Variants in PRKACB observed in about 807,000 individuals in gnomAD.
PRKACB encodes cAMP-dependent protein kinase catalytic subunit beta.
In PRKACB, 16 loss-of-function variants were observed where a neutral mutation model predicts 51.4. That is an observed-to-expected ratio of 0.31 (90% confidence interval 0.21 to 0.47). The LOEUF (loss-of-function observed/expected upper bound fraction) is 0.47, where lower values mean the gene tolerates loss of function less well. Ranked by LOEUF, PRKACB falls within the 20% of genes least tolerant of loss-of-function variation. The pLI is 1.00. For missense variants in PRKACB, 309 were observed against 464.5 expected (o/e 0.67, Z 3.08); for synonymous variants, 147 against 154.4 (o/e 0.95, Z 0.35).
rs1653760081 is a variant in PRKACB, at chr1:84,144,458, C to T, written c.97C>T (p.His33Tyr). 4 of 1,613,296 alleles carry T rather than the reference C, an allele frequency of 2.5e-6. No individual in the cohort carries two copies. In the African/African-American group the frequency reaches 4.0e-5, roughly 16 times the overall value. Residue 33 changes from histidine to tyrosine, a missense_variant, in exon 1 of 10, where the codon CAC (histidine) becomes TAC (tyrosine). Transcript: ENST00000370685. ...TTTTGCTAGCCGGTTATTTCATAGA[C>T]ACTCTAAAGGTACTGCACATGATCA... ...EGFASRLFHR[H>Y]SKGTAHDQKT...
chr1:84,168,407 G>T (rs1187985772), intron 1 of PRKACB, among the ~76,000 whole-genome samples: 1 of 151,550 alleles, frequency 6.6e-6, no homozygotes, highest in African/African-American at 2.4e-5. Context: ...GCTTTTTGAT[G>T]TAACTAGCAT....
At chr1:84,164,279 C>A in intron 1 of PRKACB, 2 of 1,484,386 alleles carry the variant, frequency 1.3e-6, no homozygotes, top group South Asian at 1.3e-5. Flanking sequence ...CAATAAGATT[C>A]ATCGCCAATA....
intron 5 of PRKACB, among the ~76,000 whole-genome samples, chr1:84,193,345 CAGCTTT>C (rs1667338277): frequency 1.3e-5 from 2 of 152,104 alleles, no homozygotes; most frequent in African/African-American, 4.8e-5. Context: ...TGAAGTATGT[CAGCTTT>C]AGGATCCCAC....
chr1:84,080,757 T>G (rs1647467872), intron 1 of PRKACB, among the ~76,000 whole-genome samples: 2 of 151,058 alleles, frequency 1.3e-5, no homozygotes, highest in Non-Finnish European at 2.9e-5. Flanking sequence ...GAGATCAGCC[T>G]GTACAATCAT....
intron 9 of PRKACB, among the ~76,000 whole-genome samples, chr1:84,226,242 G>T (rs1674571216): frequency 7.0e-6 from 1 of 143,722 alleles, no homozygotes. Context: ...TTCCTTTTTT[G>T]ATTAGACTTG....
chr1:84,115,138 T>C (rs1650530868), intron 1 of PRKACB, among the ~76,000 whole-genome samples: 1 of 152,144 alleles, frequency 6.6e-6, no homozygotes, highest in African/African-American at 2.4e-5. Context: ...GCAGTACTAA[T>C]TTACATTCTT....
At chr1:84,230,594 T>C (rs867364395) in intron 9 of PRKACB, among the ~76,000 whole-genome samples, 194 of 151,896 alleles carry the variant, frequency 1.3e-3, no homozygotes, top group African/African-American at 4.2e-3. Flanking sequence ...TGTTTGTATC[T>C]TCTTTTATTT....
At chr1:84,115,987 G>A (rs573162601) in intron 1 of PRKACB, among the ~76,000 whole-genome samples, 13 of 149,176 alleles carry the variant, frequency 8.7e-5, no homozygotes, top group African/African-American at 3.2e-4. Context: ...TATAATTTGT[G>A]GTCTTACATA....
chr1:84,199,915 G>A (rs1460069466), intron 7 of PRKACB, among the ~76,000 whole-genome samples: 2 of 151,862 alleles, frequency 1.3e-5, no homozygotes, highest in African/African-American at 2.4e-5. Flanking sequence ...GCGTGATCTC[G>A]GTTCACTACA....
chr1:84,180,176 A>C (rs1353474348), intron 2 of PRKACB, among the ~76,000 whole-genome samples: 1 of 123,262 alleles, frequency 8.1e-6, no homozygotes, highest in African/African-American at 2.9e-5. Context: ...ATGGATAAAG[A>C]AACTGTGATA....
At chr1:84,179,366 T>G in intron 2 of PRKACB, 128 bp downstream of exon 2, 2 of 1,142,212 alleles carry the variant, frequency 1.8e-6, no homozygotes, top group Non-Finnish European at 2.3e-6. Flanking sequence ...AAGCTTAAAA[T>G]GGGAATTTTG....
intron 1 of PRKACB, among the ~76,000 whole-genome samples, chr1:84,128,497 G>T (rs1651852794): frequency 6.6e-6 from 1 of 152,096 alleles, no homozygotes; most frequent in Non-Finnish European, 1.5e-5. Context: ...CAGTTTGGTT[G>T]TTTGCATGCT....
chr1:84,126,222 C>A (rs1367725190), intron 1 of PRKACB, among the ~76,000 whole-genome samples: 2 of 152,142 alleles, frequency 1.3e-5, no homozygotes, highest in Admixed American at 6.5e-5. Context: ...GCCTTTTGCA[C>A]CCGCCCTCTT....
At chr1:84,181,819 C>A in intron 2 of PRKACB, 1 of 865,372 alleles carries the variant, frequency 1.2e-6, no homozygotes, top group Non-Finnish European at 1.6e-6. Context: ...TTCTATGACT[C>A]TTTGTCAGTA....
At position 84,235,256 on chromosome 1, in the gene PRKACB, T is replaced by A. The variant is rs1271616254; in HGVS notation, c.1148T>A (p.Ile383Asn). The A allele has an allele frequency of 6.2e-7, 1 of 1,614,088 alleles. No individual in the cohort carries two copies. The highest frequency in any genetic ancestry group is 1.1e-5 in the South Asian group (1 of 91,078). ...TTTGATGACTATGAAGAAGAAGATA[T>A]CCGTGTCTCTATAACAGAAAAATGT... ...SNFDDYEEED[I>N]RVSITEKCAK... The change falls in exon 10 of 10, where the codon ATC becomes AAC. Residue 383 changes from isoleucine (I) to asparagine (N), a missense_variant. Around this residue, in one of 3 missense-constraint regions of PRKACB, gnomAD observed 96 missense variants for 129.9 expected, o/e 0.74. Transcript: ENST00000370685.
At chr1:84,098,576 A>G (rs112529031) in intron 1 of PRKACB, among the ~76,000 whole-genome samples, 14 of 152,272 alleles carry the variant, frequency 9.2e-5, no homozygotes, top group African/African-American at 2.9e-4. Flanking sequence ...TATAAAAGTC[A>G]TCTAGAAGAG....
At chr1:84,216,655 A>C (rs1672928651) in intron 9 of PRKACB, among the ~76,000 whole-genome samples, 1 of 152,158 alleles carries the variant, frequency 6.6e-6, no homozygotes, top group South Asian at 2.1e-4. Context: ...AATAAAAGCA[A>C]CTCCCTATAA....
intron 8 of PRKACB, among the ~76,000 whole-genome samples, chr1:84,212,988 T>A (rs796428120): frequency 1.3e-5 from 2 of 152,192 alleles, no homozygotes; most frequent in African/African-American, 4.8e-5. Context: ...AATGTAATGA[T>A]GCACTATGTA....
chr1:84,152,107 C>T (rs2684916), intron 1 of PRKACB, among the ~76,000 whole-genome samples: 29,096 of 152,114 alleles, frequency 0.19, 3,063 homozygotes, highest in South Asian at 0.28. Flanking sequence ...ATGAAAACAA[C>T]GTTCATCTCC....
Sources: allele counts gnomAD v4.1 joint callset (sites outside exome capture counted in the v4.1 genomes callset), GRCh38; gene constraint gnomAD v4.1.1; regional missense constraint gnomAD v4.1.1; transcripts MANE v1.5; gene names NCBI Gene and HGNC (gene_info 2026-07-23, HGNC 2026-07-21).